The following SYTL1 variants were observed in gnomAD, a reference collection of about 807,000 sequenced individuals.
The protein encoded by SYTL1 is synaptotagmin like 1, also known as synaptotagmin-like protein 1.
SYTL1 carries 53 observed loss-of-function variants against 74.6 expected under a neutral mutation model. The observed-to-expected ratio is 0.71, with a 90% CI of 0.57 to 0.89. The LOEUF is 0.89. Ranked by LOEUF, SYTL1 falls within the 40% of genes least tolerant of loss-of-function variation. SYTL1 has a pLI of 0.00. For missense variants in SYTL1, 728 were observed against 768.7 expected, an observed-to-expected ratio of 0.95 and a Z score of 0.63; for synonymous variants, 329 against 324.9, an observed-to-expected ratio of 1.01 and a Z score of -0.14.
rs778342578 is a variant in SYTL1 at position 27,353,842 on chromosome 1, C to T, written c.1679C>T (p.Pro560Leu). 2 of 1,613,618 alleles carry T rather than the reference C, an allele frequency of 1.2e-6. No homozygotes were observed. The highest frequency in any genetic ancestry group is 2.2e-5 in the South Asian group (2 of 91,056). The stretch of plus-strand genomic sequence containing the variant: ...CTACCCCTCAGAACCAACCTGGCCC[C>T]CAGGACGTAGCCCCACCAAGCCTCT... ...GLLPLRTNLA[P>L]RT The change falls in exon 15 of 15, where the codon CCC becomes CTC. Residue 560 changes from proline (P) to leucine (L), a missense_variant. By Grantham distance (98) the Pro-to-Leu change is moderately conservative. Transcript: ENST00000616558.
chr1:27,347,798 C>A lies in SYTL1; in HGVS notation c.341-10C>A, dbSNP rs370361541. The A allele has an allele frequency of 7.1e-5, 114 of 1,611,014 alleles. No individual in the cohort carries two copies. The highest frequency in any genetic ancestry group is 3.4e-5 in the Admixed American group (2 of 59,698). On this transcript the variant is annotated splice_polypyrimidine_tract_variant and intron_variant, in intron 3 of 14. Coordinates refer to ENST00000616558, the MANE Select transcript of SYTL1 (RefSeq NM_001193308.2). This position sits in a 1 kb window ranked among gnomAD's most constrained non-coding sequence, Gnocchi z 4.9. ...CATGGGGGCTCACAGAACTTCTCACCTGCGCCCAGGAGACCAGGCTCCAGG... is the reference window on the plus strand; with the variant it reads ...CATGGGGGCTCACAGAACTTCTCACATGCGCCCAGGAGACCAGGCTCCAGG...
chr1:27,349,122 G>A lies in SYTL1; in HGVS notation c.502G>A (p.Asp168Asn). 2 of 1,614,104 alleles carry A rather than the reference G, an allele frequency of 1.2e-6. No homozygotes were observed. Among genetic ancestry groups the A allele is most frequent in the South Asian group, 1.1e-5 (1 of 91,084 alleles). The change falls in exon 6 of 15, where the codon GAT (aspartate) becomes AAT (asparagine). Residue 168 changes from aspartate (D) to asparagine (N), a missense_variant. Asp to Asn is a conservative substitution (Grantham distance 23). Coordinates refer to ENST00000616558, the MANE Select transcript of SYTL1 (RefSeq NM_001193308.2). ...GCCTTCTGTCCCCCTAAAGGCTTCAGATCCTGAGGAGGCGTCCCAGGCCCA... is the reference window on the plus strand; with the variant it reads ...GCCTTCTGTCCCCCTAAAGGCTTCAAATCCTGAGGAGGCGTCCCAGGCCCA... ...PSPSVPLKAS[D>N]PEEASQAQED...
In SYTL1 at chr1:27,351,377, A is replaced by G; in HGVS notation, c.1243+41A>G. 6.6e-7 allele frequency: 1 copy of G among 1,515,264 alleles called. No homozygotes were observed. Among genetic ancestry groups the G allele is most frequent in the Non-Finnish European group, 8.9e-7 (1 of 1,127,474 alleles). The allele number at this position is 1,515,264 out of a possible 1,614,324, so 93.9% of individuals were successfully genotyped here. A position where few individuals can be genotyped will look rare whatever the true frequency, so the allele number is the denominator to read the frequency against. ...AGAGGCCAAGCTGGACACGCCCTGA[A>G]AAGCGGGAGACTCCAGTCCCCGGGT... On this transcript the variant is annotated intron_variant, in intron 12 of 14. Coordinates refer to ENST00000616558, the MANE Select transcript of SYTL1 (RefSeq NM_001193308.2). This position sits in a 1 kb window ranked among gnomAD's most constrained non-coding sequence, Gnocchi z 5.0.
At chr1:27,349,937 G>C in intron 8 of SYTL1, 35 bp from the exon 9 acceptor site, 1 of 1,563,740 alleles carries the variant, frequency 6.4e-7, no homozygotes, top group Non-Finnish European at 8.6e-7. Context: ...TGAGCCCTGC[G>C]AGCGGCCCTG....
Position 27,351,766 on chromosome 1 carries a change from G to T in SYTL1, c.1343+211G>T. 1 of 484,238 alleles carries T rather than the reference G, an allele frequency of 2.1e-6. No homozygotes were observed. Among genetic ancestry groups the T allele is most frequent in the South Asian group, 3.6e-5 (1 of 27,814 alleles). 30.0% of individuals were successfully genotyped at this position (484,238 alleles called of 1,614,324 possible). A position where few individuals can be genotyped will look rare whatever the true frequency, so the allele number is the denominator to read the frequency against. ...CATTTCAGCGTGACTGGCGCCTATA[G>T]GACTTGTTGAAAAGCTGAGGCTGAG... is the stretch of plus-strand genomic sequence containing the variant. On this transcript the variant is annotated intron_variant, in intron 13 of 14. Coordinates refer to ENST00000616558, the MANE Select transcript of SYTL1 (RefSeq NM_001193308.2). The surrounding 1 kb of genome is among the most constrained non-coding windows in gnomAD (Gnocchi z 5.0).
chr1:27,343,073 G>A lies in SYTL1; in HGVS notation c.-39+923G>A, dbSNP rs1347432837. ...GAGGGGACAGAGCATAGCAGGCGGC[G>A]GACACAAGCCAGGACCTGCCCGCCA... On this transcript the variant is annotated intron_variant, in intron 1 of 14. Coordinates refer to ENST00000616558, the MANE Select transcript of SYTL1 (RefSeq NM_001193308.2). The surrounding 1 kb of genome is among the most constrained non-coding windows in gnomAD (Gnocchi z 5.2). 3.3e-5 allele frequency among the ~76,000 whole-genome samples: 5 copies of A among 152,204 alleles called. No individual in the cohort carries two copies. In the South Asian group the frequency reaches 6.2e-4, roughly 19 times the overall value.
chr1:27,351,913 T>G lies in SYTL1; in HGVS notation c.1343+358T>G, dbSNP rs1172757036. The G allele has an allele frequency of 4.9e-6, 1 of 205,076 alleles. No homozygotes were observed. The highest frequency in any genetic ancestry group is 5.9e-5 in the Admixed American group (1 of 16,990). The allele number at this position is 205,076 out of a possible 1,614,324, so 12.7% of individuals were successfully genotyped here. A position where few individuals can be genotyped will look rare whatever the true frequency, so the allele number is the denominator to read the frequency against. ...GGGTGCCTCCAGGTGCTGCCCCCAC[T>G]GTTAGAGAGTGAAATGGAGGTGGGC... On this transcript the variant is annotated intron_variant, in intron 13 of 14. Transcript: ENST00000616558. This position sits in a 1 kb window ranked among gnomAD's most constrained non-coding sequence, Gnocchi z 5.0.
intron 13 of SYTL1, chr1:27,353,072 A>G: frequency 1.7e-6 from 1 of 594,494 alleles, no homozygotes; most frequent in Non-Finnish European, 3.0e-6. Context: ...AGGCGTGAGC[A>G]ACCTCGCCCG....
intron 5 of SYTL1, 58 bp from the exon 6 acceptor site, chr1:27,349,022 C>T: frequency 7.2e-7 from 1 of 1,392,310 alleles, no homozygotes. Flanking sequence ...CCAATATGAC[C>T]TTTGACCTCT....
chr1:27,350,254 A>G lies in SYTL1; in HGVS notation c.908+122A>G. On this transcript the variant is annotated intron_variant, in intron 9 of 14. Coordinates refer to ENST00000616558, the MANE Select transcript of SYTL1 (RefSeq NM_001193308.2). This position sits in a 1 kb window ranked among gnomAD's most constrained non-coding sequence, Gnocchi z 6.3. ...CAACAGCGTTATTGGGAGGCGTGCG[A>G]TTAAGCGAGACAATCCCTGTAAAGC... 6.7e-7 allele frequency: 1 copy of G among 1,489,770 alleles called. No homozygotes were observed. The highest frequency in any genetic ancestry group is 9.3e-7 in the Non-Finnish European group (1 of 1,073,940). The allele number at this position is 1,489,770 out of a possible 1,614,324, so 92.3% of individuals were successfully genotyped here.
chr1:27,352,862 T>C (rs1182490886), intron 13 of SYTL1: 1 of 203,496 alleles, frequency 4.9e-6, no homozygotes, highest in East Asian at 1.2e-4. Context: ...TTCAGCTCAC[T>C]GCAGCCGCAG....
At position 27,342,303 on chromosome 1, in the gene SYTL1, TTGACCAATGGGTC is replaced by T. The variant is rs1320464332; in HGVS notation, c.-39+156_-39+168del. 1 of 984,708 alleles carries T rather than the reference TTGACCAATGGGTC, an allele frequency of 1.0e-6. No individual in the cohort carries two copies. The highest frequency in any genetic ancestry group is 1.2e-6 in the Non-Finnish European group (1 of 829,366). 61.0% of individuals were successfully genotyped at this position (984,708 alleles called of 1,614,324 possible). ...CTGGACAGATGGACAGACCCTCCTC[TTGACCAATGGGTC>T]TGTCCCACCGTGTCAAAACAGCAGA... On this transcript the variant is annotated intron_variant, in intron 1 of 14. Transcript: ENST00000616558. The surrounding 1 kb of genome is among the most constrained non-coding windows in gnomAD (Gnocchi z 4.7).
intron 13 of SYTL1, 137 bp from the exon 14 acceptor site, chr1:27,353,146 C>A (rs1242473355): frequency 1.2e-6 from 1 of 831,650 alleles, no homozygotes; most frequent in Non-Finnish European, 1.9e-6. Context: ...GGTCCCAGGG[C>A]AGTGAGGGTC....
At chr1:27,353,220 G>C in intron 13 of SYTL1, 63 bp from the exon 14 acceptor site, 1 of 1,488,260 alleles carries the variant, frequency 6.7e-7, no homozygotes, top group Non-Finnish European at 9.2e-7. Context: ...GTGGGACGTG[G>C]TGACTGGATG....
At position 27,349,463 on chromosome 1, in the gene SYTL1, G is replaced by T. The variant is rs201651642; in HGVS notation, c.598G>T (p.Gly200Trp). Residue 200 changes from glycine to tryptophan, a missense_variant, in exon 7 of 15, where the codon GGG (glycine) becomes TGG (tryptophan). Physicochemically the swap from Gly to Trp is radical, Grantham distance 184. Transcript: ENST00000616558. The part of the protein sequence containing the change: ...EADPELEPAS[G>W]GEQEPRPQQA... ...TGACCCGGAGCTGGAGCCCGCGTCGGGGGGAGAGCAGGAGCCGCGGCCCCA... is the reference window on the plus strand; with the variant it reads ...TGACCCGGAGCTGGAGCCCGCGTCGTGGGGAGAGCAGGAGCCGCGGCCCCA... The T allele has an allele frequency of 2.0e-4, 296 of 1,454,050 alleles. No individual in the cohort carries two copies. Among genetic ancestry groups the T allele is most frequent in the African/African-American group, 2.4e-4 (17 of 69,606 alleles). 90.1% of individuals were successfully genotyped at this position (1,454,050 alleles called of 1,614,324 possible).
In SYTL1 at chr1:27,347,378, G is replaced by T. The variant is rs747611410; in HGVS notation, c.192-43G>T. 2 of 1,613,506 alleles carry T rather than the reference G, an allele frequency of 1.2e-6. No homozygotes were observed. Among genetic ancestry groups the T allele is most frequent in the Non-Finnish European group, 8.5e-7 (1 of 1,179,900 alleles). ...TAACAATGTAGGTGGCGGGAATGTT[G>T]CTTGGGTGAGTCATGACAGCCACAC... On this transcript the variant is annotated intron_variant, in intron 2 of 14. Coordinates refer to ENST00000616558, the MANE Select transcript of SYTL1 (RefSeq NM_001193308.2). The surrounding 1 kb of genome is among the most constrained non-coding windows in gnomAD (Gnocchi z 4.9).
chr1:27,345,212 AGT>A lies in SYTL1; in HGVS notation c.-38-82_-38-81del. The A allele has an allele frequency of 1.4e-6, 1 of 738,792 alleles. No individual in the cohort carries two copies. The highest frequency in any genetic ancestry group is 2.1e-6 in the Non-Finnish European group (1 of 483,960). 45.8% of individuals were successfully genotyped at this position (738,792 alleles called of 1,614,324 possible). On this transcript the variant is annotated intron_variant, in intron 1 of 14. Transcript: ENST00000616558. The surrounding 1 kb of genome is among the most constrained non-coding windows in gnomAD (Gnocchi z 6.0). Reference sequence around the variant, plus strand: ...GTGGCACCCTACCCATACCCGGCCAAGTGTTTGGGGAGAAAAGGGCTGTTGGT... The same window carrying A: ...GTGGCACCCTACCCATACCCGGCCAAGTTTGGGGAGAAAAGGGCTGTTGGT...
Position 27,348,980 on chromosome 1 carries a change from G to A in SYTL1, c.460-100G>A. 3.2e-6 allele frequency: 3 copies of A among 933,238 alleles called. No homozygotes were observed. The highest frequency in any genetic ancestry group is 4.9e-6 in the Non-Finnish European group (3 of 608,088). The allele number at this position is 933,238 out of a possible 1,614,324, so 57.8% of individuals were successfully genotyped here. A position where few individuals can be genotyped will look rare whatever the true frequency, so the allele number is the denominator to read the frequency against. ...AGGGCTGCCCTAAACCTGAAACTGG[G>A]GTAGCTGGCTGGAGCCCTATGACCT... is the stretch of plus-strand genomic sequence containing the variant. On this transcript the variant is annotated intron_variant, in intron 5 of 14. Transcript: ENST00000616558. This position sits in a 1 kb window ranked among gnomAD's most constrained non-coding sequence, Gnocchi z 4.1.
In SYTL1 at chr1:27,350,530, G is replaced by A. The variant is rs1278023994; in HGVS notation, c.1005+45G>A. 2 of 1,514,614 alleles carry A rather than the reference G, an allele frequency of 1.3e-6. No individual in the cohort carries two copies. The highest frequency in any genetic ancestry group is 1.1e-5 in the South Asian group (1 of 87,836). The allele number at this position is 1,514,614 out of a possible 1,614,324, so 93.8% of individuals were successfully genotyped here. A position where few individuals can be genotyped will look rare whatever the true frequency, so the allele number is the denominator to read the frequency against. ...GCGGTTCCCCGTTAATGAACTGGAC[G>A]CCCCCTTCCTGCGGGGCTAGGTGGC... is the stretch of plus-strand genomic sequence containing the variant. On this transcript the variant is annotated intron_variant, in intron 10 of 14. Transcript: ENST00000616558. The surrounding 1 kb of genome is among the most constrained non-coding windows in gnomAD (Gnocchi z 6.3).
Sources: gnomAD v4.1 joint callset for allele counts (sites outside exome capture counted in the v4.1 genomes callset) on GRCh38, gnomAD v4.1.1 for gene constraint, Gnocchi (gnomAD v3.1) non-coding constraint, MANE v1.5 for transcripts, NCBI Gene and HGNC (gene_info 2026-07-23, HGNC 2026-07-21) for gene names.